Variants in BEND6 observed in about 807,000 individuals in gnomAD.
BEND6 encodes BEN domain containing 6, also known as BEN domain-containing protein 6.
BEND6 carries 24 observed loss-of-function variants against 31.8 expected under a neutral mutation model. The ratio of observed to expected loss-of-function variants is 0.75; its 90% CI spans 0.55 to 1.06. BEND6 has a LOEUF of 1.06. BEND6 is among the 50% of genes least tolerant of loss of function. The probability of loss-of-function intolerance (pLI) is 0.00; values close to 1 mark genes in which losing one functional copy is unlikely to be tolerated. For synonymous variants in BEND6, 109 were observed against 114.6 expected, an observed-to-expected ratio of 0.95 and a Z score of 0.31; for missense variants, 294 against 327.4, an observed-to-expected ratio of 0.90 and a Z score of 0.79.
intron 1 of BEND6, among the ~76,000 whole-genome samples, chr6:56,972,067 TTTTAC>T (rs1182172726): frequency 2.0e-5 from 3 of 150,206 alleles, no homozygotes; most frequent in African/African-American, 4.9e-5. Context: ...TATGTTTTCT[TTTTAC>T]TTTACTTTAC....
intron 1 of BEND6, among the ~76,000 whole-genome samples, chr6:56,964,533 GC>G (rs1420117361): frequency 6.6e-6 from 1 of 151,098 alleles, no homozygotes; most frequent in Non-Finnish European, 1.5e-5. Flanking sequence ...ATGGGGGCTT[GC>G]CCTGTTGCCC....
intron 3 of BEND6, among the ~76,000 whole-genome samples, chr6:56,997,026 A>G (rs558823195): frequency 3.3e-5 from 5 of 152,184 alleles, no homozygotes; most frequent in Admixed American, 1.3e-4. Context: ...AAGTCTTTTT[A>G]TGATCTTTGG....
At chr6:57,006,515 T>C (rs1330065667) in intron 3 of BEND6, among the ~76,000 whole-genome samples, 1 of 152,254 alleles carries the variant, frequency 6.6e-6, no homozygotes, top group Middle Eastern at 3.2e-3. Context: ...GGAAAATTGA[T>C]ATTCCAAGCT....
At chr6:57,003,523 A>T (rs911189838) in intron 3 of BEND6, among the ~76,000 whole-genome samples, 4 of 151,804 alleles carry the variant, frequency 2.6e-5, no homozygotes, top group Admixed American at 2.6e-4. Flanking sequence ...CAACAACAAC[A>T]ACAACAACAA....
chr6:57,007,260 C>T (rs1270055192), intron 3 of BEND6, among the ~76,000 whole-genome samples: 1 of 151,180 alleles, frequency 6.6e-6, no homozygotes, highest in African/African-American at 2.4e-5. Context: ...TGCACTCCAG[C>T]CTAGAAGATG....
intron 3 of BEND6, among the ~76,000 whole-genome samples, chr6:57,000,884 GAAA>G (rs142783287): frequency 3.0e-5 from 3 of 99,748 alleles, no homozygotes; most frequent in Non-Finnish European, 5.9e-5. Flanking sequence ...CACTTCCTCT[GAAA>G]AAAAAAAAAA....
At position 56,977,316 on chromosome 6, in the gene BEND6, T is replaced by A. The variant is rs1825912193; in HGVS notation, c.-100-4395T>A. On this transcript the variant is annotated intron_variant, in intron 1 of 6. Coordinates refer to ENST00000370746, the MANE Select transcript of BEND6 (RefSeq NM_152731.3). ...AGGTTACTGCTCAGTTGTTTTTTATTTGAGAAACAAATGCTGAGTTTAGAG... is the reference window on the plus strand; with the variant it reads ...AGGTTACTGCTCAGTTGTTTTTTATATGAGAAACAAATGCTGAGTTTAGAG... Among the ~76,000 whole-genome samples, 3 of 152,182 alleles carry A rather than the reference T, an allele frequency of 2.0e-5. No homozygotes were observed. The South Asian group carries it at 6.2e-4, about 32-fold the overall frequency.
At chr6:56,967,623 C>A (rs949231065) in intron 1 of BEND6, among the ~76,000 whole-genome samples, 1 of 152,140 alleles carries the variant, frequency 6.6e-6, no homozygotes, top group African/African-American at 2.4e-5. Flanking sequence ...GTCTCCTTCT[C>A]TAGCATCTAA....
At chr6:57,025,185 C>T (rs1480804617) in intron 6 of BEND6, among the ~76,000 whole-genome samples, 1 of 152,216 alleles carries the variant, frequency 6.6e-6, no homozygotes, top group Non-Finnish European at 1.5e-5. Flanking sequence ...AGAGAGTTCA[C>T]ATATCACCGT....
At chr6:57,010,654 A>G (rs1306985235) in intron 3 of BEND6, 2 of 925,350 alleles carry the variant, frequency 2.2e-6, no homozygotes, top group Non-Finnish European at 2.6e-6. Context: ...AGAATTTGCT[A>G]TTTTTGTTTC....
intron 4 of BEND6, 100 bp downstream of exon 4, chr6:57,015,453 G>T: frequency 9.0e-7 from 1 of 1,111,434 alleles, no homozygotes; most frequent in Non-Finnish European, 1.3e-6. Context: ...ATAACTATTG[G>T]ATAAAATAGT....
chr6:57,000,892 A>T (rs1826912626), intron 3 of BEND6, among the ~76,000 whole-genome samples: 1 of 151,670 alleles, frequency 6.6e-6, no homozygotes, highest in Admixed American at 6.6e-5. Flanking sequence ...CTGAAAAAAA[A>T]AAAAAAAAAA....
chr6:56,967,396 A>G (rs1030020654), intron 1 of BEND6, among the ~76,000 whole-genome samples: 1 of 152,196 alleles, frequency 6.6e-6, no homozygotes, highest in East Asian at 1.9e-4. Flanking sequence ...AGAGGGGCAC[A>G]TGAAATCTGA....
chr6:57,007,627 A>C (rs1827204995), intron 3 of BEND6, among the ~76,000 whole-genome samples: 1 of 152,190 alleles, frequency 6.6e-6, no homozygotes, highest in Non-Finnish European at 1.5e-5. Context: ...CTCTACAAAA[A>C]ACAAATTTTT....
chr6:56,975,691 T>C (rs1825847342), intron 1 of BEND6: 1 of 446,172 alleles, frequency 2.2e-6, no homozygotes, highest in African/African-American at 2.0e-5. Flanking sequence ...ATTTAATGAA[T>C]AGAAGAAGAA....
intron 3 of BEND6, among the ~76,000 whole-genome samples, chr6:56,998,457 G>A (rs894559674): frequency 6.6e-6 from 1 of 152,128 alleles, no homozygotes; most frequent in Non-Finnish European, 1.5e-5. Flanking sequence ...ACAATAGGAT[G>A]TGAAAGAAAA....
chr6:57,000,847 A>ATTC (rs1349063353), intron 3 of BEND6, among the ~76,000 whole-genome samples: 2 of 147,074 alleles, frequency 1.4e-5, no homozygotes, highest in African/African-American at 5.1e-5. Flanking sequence ...TGTAAGCTGG[A>ATTC]TTCTTGGGCA....
chr6:56,994,148 C>T (rs995856139), intron 3 of BEND6, among the ~76,000 whole-genome samples: 2 of 152,044 alleles, frequency 1.3e-5, no homozygotes, highest in Non-Finnish European at 2.9e-5. Context: ...ATAAAATTAG[C>T]ATGAATTGCT....
rs758668240 is a variant in BEND6, at chr6:56,981,906, A to G, written c.96A>G (p.Ala32=). The G allele has an allele frequency of 2.5e-6, 4 of 1,612,342 alleles. No individual in the cohort carries two copies. The Admixed American group carries it at 5.0e-5, about 20-fold the overall frequency. The change falls in exon 2 of 7, where the codon GCA becomes GCG. Residue 32 remains alanine, a synonymous_variant. Transcript: ENST00000370746. The stretch of plus-strand genomic sequence containing the variant: ...CAGAGACAATGGACTCAGAAAATGC[A>G]AATAGTGACATGGATAAAGGACAGG... The part of the protein sequence containing the change: ...KRTETMDSEN[A]NSDMDKGQRD...
Sources: allele counts gnomAD v4.1 joint callset (sites outside exome capture counted in the v4.1 genomes callset), GRCh38; gene constraint gnomAD v4.1.1; transcripts MANE v1.5; gene names NCBI Gene and HGNC (gene_info 2026-07-23, HGNC 2026-07-21).